The following NTN1 variants were observed in gnomAD, a reference collection of about 807,000 sequenced individuals.
NTN1 encodes netrin 1.
In NTN1, 11 loss-of-function variants were observed where a neutral mutation model predicts 54.2. The ratio of observed to expected loss-of-function variants is 0.20; its 90% CI spans 0.13 to 0.34. The LOEUF (loss-of-function observed/expected upper bound fraction) is 0.34. NTN1 is among the 10% of genes least tolerant of loss of function. The pLI is 1.00. For synonymous variants in NTN1, 371 were observed against 382.0 expected (o/e 0.97, Z 0.33); for missense variants, 740 against 893.1 (o/e 0.83, Z 2.18).
At chr17:9,223,949 G>A (rs73973309) in intron 6 of NTN1, among the ~76,000 whole-genome samples, 5,675 of 152,226 alleles carry the variant, frequency 0.037, 337 homozygotes, top group African/African-American at 0.13. Flanking sequence ...TGTTTTGATC[G>A]CCTATTTGGT....
intron 3 of NTN1, chr17:9,171,922 C>T (rs2092388079): frequency 7.5e-6 from 1 of 132,968 alleles, no homozygotes; most frequent in Admixed American, 8.7e-5. Context: ...GAGTTTCGCT[C>T]TTGTTGCCCA....
At chr17:9,073,595 C>G (rs371383465) in intron 2 of NTN1, among the ~76,000 whole-genome samples, 1 of 152,200 alleles carries the variant, frequency 6.6e-6, no homozygotes, top group Non-Finnish European at 1.5e-5. Flanking sequence ...TCTGCCCTCC[C>G]GCCGAGTGCA....
At chr17:9,129,034 T>C (rs551939748) in intron 2 of NTN1, among the ~76,000 whole-genome samples, 2 of 152,322 alleles carry the variant, frequency 1.3e-5, no homozygotes, top group Admixed American at 6.5e-5. Context: ...GGCTTGGCTC[T>C]GTGATCCCCG....
intron 2 of NTN1, among the ~76,000 whole-genome samples, chr17:9,152,871 C>A (rs551778001): frequency 6.6e-6 from 1 of 152,170 alleles, no homozygotes; most frequent in Non-Finnish European, 1.5e-5. Context: ...GTCGCGGAGC[C>A]GGAGCTAGAG....
At chr17:9,100,536 C>T (rs1280673925) in intron 2 of NTN1, among the ~76,000 whole-genome samples, 1 of 151,608 alleles carries the variant, frequency 6.6e-6, no homozygotes, top group African/African-American at 2.4e-5. Context: ...CGCTTGACCT[C>T]GTGATGTGCC....
chr17:9,106,472 CCTTCCTTCCTTCCTT>C (rs2092166815), intron 2 of NTN1, among the ~76,000 whole-genome samples: 230 of 16,792 alleles, frequency 0.014, 1 homozygote, highest in East Asian at 0.036. Context: ...TTCCTCCCTT[CCTTCCTTCCTTCCTT>C]CCTTCCTTCC....
At chr17:9,086,292 C>T (rs1567706963) in intron 2 of NTN1, among the ~76,000 whole-genome samples, 1 of 152,156 alleles carries the variant, frequency 6.6e-6, no homozygotes, top group Non-Finnish European at 1.5e-5. Context: ...TACTTGAGCC[C>T]AGGAGTTCGA....
At chr17:9,032,060 T>C (rs1020302739) in intron 2 of NTN1, among the ~76,000 whole-genome samples, 1 of 151,848 alleles carries the variant, frequency 6.6e-6, no homozygotes, top group Non-Finnish European at 1.5e-5. Context: ...GCTGTGCACG[T>C]GAGAAGGTGC....
intron 6 of NTN1, among the ~76,000 whole-genome samples, chr17:9,224,088 T>C (rs1905455174): frequency 6.6e-6 from 1 of 152,172 alleles, no homozygotes; most frequent in Non-Finnish European, 1.5e-5. Flanking sequence ...ATGGGGCTTG[T>C]AAAAGGGCCC....
chr17:9,220,344 G>A (rs1387343878), intron 5 of NTN1, among the ~76,000 whole-genome samples: 1 of 152,240 alleles, frequency 6.6e-6, no homozygotes, highest in Non-Finnish European at 1.5e-5. Context: ...AGGCTCTGGT[G>A]GGCTGTGCCG....
At chr17:9,114,147 AAAAAAG>A (rs200312674) in intron 2 of NTN1, among the ~76,000 whole-genome samples, 55 of 95,346 alleles carry the variant, frequency 5.8e-4, no homozygotes, top group Admixed American at 2.0e-3. Flanking sequence ...GGGTGCCAAA[AAAAAAG>A]AAAAAAAAAA....
chr17:9,140,322 C>A (rs2092294090), intron 2 of NTN1, among the ~76,000 whole-genome samples: 1 of 152,190 alleles, frequency 6.6e-6, no homozygotes, highest in South Asian at 2.1e-4. Flanking sequence ...AGTCTCTGCA[C>A]CCCCTGCCCT....
chr17:9,115,678 C>T (rs1025949205), intron 2 of NTN1, among the ~76,000 whole-genome samples: 37 of 152,380 alleles, frequency 2.4e-4, no homozygotes, highest in Admixed American at 2.1e-3. Flanking sequence ...ATCCTTCCCC[C>T]CCGGGGCGGG....
intron 2 of NTN1, among the ~76,000 whole-genome samples, chr17:9,068,634 G>A (rs1597476380): frequency 6.6e-6 from 1 of 151,440 alleles, no homozygotes; most frequent in African/African-American, 2.4e-5. Flanking sequence ...TCAGCCTCCC[G>A]AGTAGCTGGG....
At chr17:9,156,023 C>T (rs971680775) in intron 2 of NTN1, among the ~76,000 whole-genome samples, 4 of 152,094 alleles carry the variant, frequency 2.6e-5, no homozygotes, top group African/African-American at 9.7e-5. Flanking sequence ...CTGGTCCTTA[C>T]CCAGGAGCCA....
Position 9,215,399 on chromosome 17 carries a change from A to G in NTN1, c.1412-5769A>G, listed in dbSNP as rs960049862. Reference sequence around the variant, plus strand: ...TTTAAGAACCAAATTTGGCATCTCTATGTTTACTGGTTTCAGTTTTCATCA... The same window carrying G: ...TTTAAGAACCAAATTTGGCATCTCTGTGTTTACTGGTTTCAGTTTTCATCA... On this transcript the variant is annotated intron_variant, in intron 5 of 6. Coordinates refer to ENST00000173229, the MANE Select transcript of NTN1 (RefSeq NM_004822.3). 7.9e-5 allele frequency among the ~76,000 whole-genome samples: 12 copies of G among 152,242 alleles called. No individual in the cohort carries two copies. In the South Asian group the frequency reaches 1.2e-3, roughly 16 times the overall value.
chr17:9,239,631 T>G lies in NTN1; in HGVS notation c.1487-9T>G. On this transcript the variant is annotated splice_polypyrimidine_tract_variant and intron_variant, in intron 6 of 6. Coordinates refer to ENST00000173229, the MANE Select transcript of NTN1 (RefSeq NM_004822.3). The surrounding 1 kb of genome is among the most constrained non-coding windows in gnomAD (Gnocchi z 5.2). ...GGGAGCCCACCCGTCTGCCTGTGCT[T>G]CCTTGCAGCCGTCCAGATCCACATC... 1.0e-5 allele frequency: 16 copies of G among 1,600,952 alleles called. No homozygotes were observed. The highest frequency in any genetic ancestry group is 1.4e-5 in the Non-Finnish European group (16 of 1,169,156).
chr17:9,128,950 G>A (rs2092255344), intron 2 of NTN1, among the ~76,000 whole-genome samples: 1 of 152,144 alleles, frequency 6.6e-6, no homozygotes, highest in Admixed American at 6.5e-5. Flanking sequence ...GAACCAAGGG[G>A]CCTGCAGCTC....
intron 2 of NTN1, among the ~76,000 whole-genome samples, chr17:9,137,251 G>A (rs369142655): frequency 3.3e-5 from 5 of 152,086 alleles, no homozygotes; most frequent in Non-Finnish European, 5.9e-5. Context: ...GCAAACTCCC[G>A]GGGACTAGCG....
Sources: allele counts gnomAD v4.1 joint callset (sites outside exome capture counted in the v4.1 genomes callset), GRCh38; gene constraint gnomAD v4.1.1; non-coding constraint Gnocchi (gnomAD v3.1); transcripts MANE v1.5; gene names NCBI Gene and HGNC (gene_info 2026-07-23, HGNC 2026-07-21).